The following SLC38A6 variants were observed in gnomAD, a reference collection of about 807,000 sequenced individuals.
SLC38A6 encodes the protein solute carrier family 38 member 6.
Under a neutral mutation model 65.0 loss-of-function variants are expected in SLC38A6, and 73 were observed. The observed-to-expected ratio is 1.12, with a 90% CI of 0.93 to 1.37. SLC38A6 has a LOEUF of 1.37. SLC38A6 is among the 40% of genes most tolerant of loss of function. The pLI is 0.00. For missense variants in SLC38A6, 561 were observed against 531.1 expected (o/e 1.06, Z -0.55); for synonymous variants, 183 against 178.8 (o/e 1.02, Z -0.19).
intron 15 of SLC38A6, among the ~76,000 whole-genome samples, chr14:61,068,711 G>A (rs1289724902): frequency 6.6e-6 from 1 of 152,182 alleles, no homozygotes; most frequent in Non-Finnish European, 1.5e-5. Flanking sequence ...GTCACTGCTG[G>A]AAATCTTGTT....
At chr14:61,066,739 G>A (rs913925854) in intron 15 of SLC38A6, among the ~76,000 whole-genome samples, 1 of 152,046 alleles carries the variant, frequency 6.6e-6, no homozygotes, top group African/African-American at 2.4e-5. Context: ...CGCAGATTTT[G>A]CATCCTGAAA....
intron 16 of SLC38A6, among the ~76,000 whole-genome samples, chr14:61,082,685 C>T (rs2043703618): frequency 6.6e-6 from 1 of 152,140 alleles, no homozygotes. Context: ...GTCAGGCCTG[C>T]CCTAGGTTTC....
At chr14:61,022,108 G>A (rs980537538) in intron 5 of SLC38A6, among the ~76,000 whole-genome samples, 1 of 151,960 alleles carries the variant, frequency 6.6e-6, no homozygotes, top group Non-Finnish European at 1.5e-5. Context: ...GGCACATTGG[G>A]AGGCATATTA....
intron 15 of SLC38A6, among the ~76,000 whole-genome samples, chr14:61,061,550 G>C (rs2042841943): frequency 1.3e-5 from 2 of 152,098 alleles, no homozygotes; most frequent in Admixed American, 1.3e-4. Context: ...TCATTTTACT[G>C]TCTCCATAGT....
intron 15 of SLC38A6, among the ~76,000 whole-genome samples, chr14:61,065,809 T>C (rs1158571573): frequency 1.3e-5 from 2 of 152,208 alleles, no homozygotes; most frequent in African/African-American, 4.8e-5. Flanking sequence ...GATTTTTCTC[T>C]TCTCTCTTCT....
At chr14:61,048,492 C>T (rs763708098) in intron 12 of SLC38A6, among the ~76,000 whole-genome samples, 1 of 152,142 alleles carries the variant, frequency 6.6e-6, no homozygotes. Flanking sequence ...GAAGCATGCA[C>T]CACTCTATCC....
intron 15 of SLC38A6, among the ~76,000 whole-genome samples, chr14:61,078,541 CCT>C (rs969527374): frequency 6.6e-6 from 1 of 152,054 alleles, no homozygotes; most frequent in African/African-American, 2.4e-5. Flanking sequence ...AGATTAATTG[CCT>C]CTCTGCATTG....
chr14:61,005,742 A>T (rs1173839754), intron 3 of SLC38A6, among the ~76,000 whole-genome samples: 1 of 152,204 alleles, frequency 6.6e-6, no homozygotes, highest in African/African-American at 2.4e-5. Flanking sequence ...AATATCATGA[A>T]AATCGCCATA....
intron 3 of SLC38A6, among the ~76,000 whole-genome samples, chr14:60,988,581 G>A (rs537035209): frequency 2.0e-5 from 3 of 152,114 alleles, no homozygotes; most frequent in Admixed American, 2.0e-4. Context: ...TACCAAAATA[G>A]CATTTGTTAG....
At chr14:61,075,390 GC>G (rs1247208524) in intron 15 of SLC38A6, among the ~76,000 whole-genome samples, 1 of 152,110 alleles carries the variant, frequency 6.6e-6, no homozygotes, top group African/African-American at 2.4e-5. Context: ...GGCAGAGATG[GC>G]CAAGAAAAAA....
chr14:61,040,284 GC>G (rs774819847), intron 8 of SLC38A6, among the ~76,000 whole-genome samples: 51 of 151,322 alleles, frequency 3.4e-4, no homozygotes, highest in Non-Finnish European at 6.5e-4. Flanking sequence ...TGATTCTTCT[GC>G]CTCAGCTTCC....
At chr14:61,015,727 G>C (rs1391995303) in intron 3 of SLC38A6, among the ~76,000 whole-genome samples, 177 bp from the exon 4 acceptor site, 1 of 152,112 alleles carries the variant, frequency 6.6e-6, no homozygotes, top group Non-Finnish European at 1.5e-5. Context: ...ATCCTTTTTA[G>C]TGTTGCCTTT....
At chr14:60,997,381 A>T (rs544329182) in intron 3 of SLC38A6, among the ~76,000 whole-genome samples, 1 of 152,174 alleles carries the variant, frequency 6.6e-6, no homozygotes, top group East Asian at 1.9e-4. Flanking sequence ...GAAACTCCTA[A>T]GCTCCAGCGA....
intron 15 of SLC38A6, among the ~76,000 whole-genome samples, chr14:61,063,698 A>C (rs535214892): frequency 2.2e-5 from 1 of 46,432 alleles, no homozygotes; most frequent in Non-Finnish European, 6.9e-5. Context: ...TTCTCTTTTG[A>C]GAAGATCAAG....
At chr14:60,996,973 T>G (rs926008872) in intron 3 of SLC38A6, among the ~76,000 whole-genome samples, 13 of 152,194 alleles carry the variant, frequency 8.5e-5, no homozygotes, top group Non-Finnish European at 1.8e-4. Context: ...TCACCCTTAC[T>G]TAGTGAACAA....
intron 1 of SLC38A6, 145 bp from the exon 2 acceptor site, chr14:60,982,363 T>C: frequency 1.0e-6 from 1 of 975,626 alleles, no homozygotes; most frequent in Non-Finnish European, 1.6e-6. Flanking sequence ...GGAAAGGAAA[T>C]TAGTGTTGGT....
chr14:61,042,494 A>T (rs2041872111), intron 8 of SLC38A6, among the ~76,000 whole-genome samples: 1 of 152,230 alleles, frequency 6.6e-6, no homozygotes, highest in East Asian at 1.9e-4. Flanking sequence ...GAGTAAAAAC[A>T]TGAAACATTT....
At chr14:60,997,284 T>C (rs2038363878) in intron 3 of SLC38A6, among the ~76,000 whole-genome samples, 1 of 152,156 alleles carries the variant, frequency 6.6e-6, no homozygotes, top group African/African-American at 2.4e-5. Flanking sequence ...CCTGAGTAGC[T>C]GGGACTACAG....
At chr14:61,047,678 T>A (rs1029196932) in intron 12 of SLC38A6, among the ~76,000 whole-genome samples, 3 of 152,116 alleles carry the variant, frequency 2.0e-5, no homozygotes, top group Non-Finnish European at 2.9e-5. Flanking sequence ...TATCTATGTA[T>A]AATCTATCTA....
Sources: allele counts gnomAD v4.1 joint callset (sites outside exome capture counted in the v4.1 genomes callset), GRCh38; gene constraint gnomAD v4.1.1; transcripts MANE v1.5; gene names NCBI Gene and HGNC (gene_info 2026-07-23, HGNC 2026-07-21).